Variants in FLACC1 observed in about 807,000 individuals in gnomAD.
FLACC1 encodes the protein flagellum associated containing coiled-coil domains 1, also known as flagellum-associated coiled-coil domain-containing protein 1.
A neutral mutation model predicts 62.8 loss-of-function variants in FLACC1; 66 were observed. The ratio of observed to expected loss-of-function variants is 1.05; its 90% confidence interval spans 0.86 to 1.29. FLACC1 has a LOEUF of 1.29. Ranked by LOEUF, FLACC1 falls within the 50% of genes most tolerant of loss-of-function variation. The pLI is 0.00. For synonymous variants in FLACC1, 156 were observed against 161.0 expected (o/e 0.97, Z 0.24); for missense variants, 452 against 489.1 (o/e 0.92, Z 0.71).
intron 11 of FLACC1, among the ~76,000 whole-genome samples, chr2:201,303,497 A>G (rs1390230574): frequency 1.3e-5 from 2 of 152,230 alleles, no homozygotes; most frequent in African/African-American, 4.8e-5. Flanking sequence ...ATTCTACCAG[A>G]GGTACAAGGA....
intron 9 of FLACC1, among the ~76,000 whole-genome samples, chr2:201,319,333 T>C (rs933286066): frequency 6.6e-6 from 1 of 152,040 alleles, no homozygotes; most frequent in Admixed American, 6.6e-5. Context: ...ACTGGGCCCC[T>C]ACCTTTCACC....
At chr2:201,290,022 A>G (rs921074562) in intron 12 of FLACC1, among the ~76,000 whole-genome samples, 2 of 152,216 alleles carry the variant, frequency 1.3e-5, no homozygotes, top group Admixed American at 6.5e-5. Context: ...TCATTCACTA[A>G]GCAAGTCTTT....
chr2:201,304,515 T>C (rs1177969500), intron 11 of FLACC1, among the ~76,000 whole-genome samples: 1 of 152,132 alleles, frequency 6.6e-6, no homozygotes, highest in African/African-American at 2.4e-5. Context: ...CCCAAGGTAA[T>C]TTACAGATTC....
At chr2:201,306,643 C>T (rs996649574) in intron 11 of FLACC1, among the ~76,000 whole-genome samples, 1 of 152,038 alleles carries the variant, frequency 6.6e-6, no homozygotes, top group Non-Finnish European at 1.5e-5. Context: ...AGAGAGGACA[C>T]AAAAATCTGT....
chr2:201,291,738 A>G (rs989715634), intron 12 of FLACC1, among the ~76,000 whole-genome samples: 5 of 152,234 alleles, frequency 3.3e-5, no homozygotes, highest in African/African-American at 1.2e-4. Flanking sequence ...GAGCTAAAGG[A>G]GAAAGTTCGA....
chr2:201,289,862 A>G lies in FLACC1; in HGVS notation c.943-77T>C, dbSNP rs758951468. On this transcript the variant is annotated intron_variant, in intron 12 of 14. Coordinates refer to ENST00000392257, the MANE Select transcript of FLACC1 (RefSeq NM_001127391.3). ...GTCTCTTCTCCAGGGCACCTGGACT[A>G]TGATGAAAGGGAGCAACCTGAGCTA... The G allele has an allele frequency of 1.9e-6, 3 of 1,609,766 alleles. No homozygotes were observed. In the Admixed American group the frequency reaches 5.0e-5, roughly 27 times the overall value.
chr2:201,344,188 G>A lies in FLACC1; in HGVS notation c.444C>T (p.His148=). The A allele has an allele frequency of 6.2e-7, 1 of 1,612,952 alleles. No individual in the cohort carries two copies. Among genetic ancestry groups the A allele is most frequent in the Non-Finnish European group, 8.5e-7 (1 of 1,179,204 alleles). ...TAIIEQMNRD[H]QSAQKLLSSE... is the part of the protein sequence containing the mutation. ...CACTCACCAATTTCTGGGCAGACTG[G>A]TGGTCTCTGTTCATTTGTTCAATTA... is the stretch of plus-strand genomic sequence containing the variant. Residue 148 remains histidine (H), a synonymous_variant, in exon 6 of 15, where the codon CAC becomes CAT. Transcript: ENST00000392257.
chr2:201,299,124 C>G (rs1949925017), intron 12 of FLACC1, 114 bp downstream of exon 12: 3 of 1,019,948 alleles, frequency 2.9e-6, no homozygotes, highest in Non-Finnish European at 1.5e-6. Flanking sequence ...TTAGGTCTTC[C>G]ATTTCTTATT....
intron 7 of FLACC1, among the ~76,000 whole-genome samples, chr2:201,333,813 A>C (rs1407658831): frequency 6.6e-6 from 1 of 152,168 alleles, no homozygotes; most frequent in African/African-American, 2.4e-5. Context: ...ATAGTTGGAC[A>C]TTTGGGTTGG....
chr2:201,330,603 C>A, intron 8 of FLACC1, 81 bp from the exon 9 acceptor site: 1 of 1,528,240 alleles, frequency 6.5e-7, no homozygotes, highest in South Asian at 1.2e-5. Flanking sequence ...TTCTTCTGCA[C>A]ACCTTCCCCA....
chr2:201,302,787 A>G (rs1261737413), intron 11 of FLACC1, among the ~76,000 whole-genome samples: 1 of 152,144 alleles, frequency 6.6e-6, no homozygotes, highest in African/African-American at 2.4e-5. Context: ...CACTCAAAAC[A>G]GCACAACTAC....
At position 201,326,720 on chromosome 2, in the gene FLACC1, C is replaced by T. The variant is rs190175115; in HGVS notation, c.675+3750G>A. Among the ~76,000 whole-genome samples, 192 of 152,180 alleles carry T rather than the reference C, an allele frequency of 1.3e-3. 1 individual carries two copies. Among genetic ancestry groups the T allele is most frequent in the Non-Finnish European group, 2.4e-3 (162 of 67,956 alleles). On this transcript the variant is annotated intron_variant, in intron 9 of 14. Transcript: ENST00000392257. The surrounding 1 kb of genome is among the most constrained non-coding windows in gnomAD (Gnocchi z 4.1). ...TATGCTCATGGATTGGAAGAATCAACGTTGTGAAAATGACCATACTGCCCA... is the reference window on the plus strand; with the variant it reads ...TATGCTCATGGATTGGAAGAATCAATGTTGTGAAAATGACCATACTGCCCA...
intron 14 of FLACC1, among the ~76,000 whole-genome samples, chr2:201,289,139 G>A (rs1190402468): frequency 7.2e-6 from 1 of 138,554 alleles, no homozygotes; most frequent in African/African-American, 2.4e-5. Flanking sequence ...CAGACTCCCA[G>A]GGGAGATGGA....
chr2:201,349,936 C>T (rs1214000521), intron 3 of FLACC1, among the ~76,000 whole-genome samples: 1 of 152,180 alleles, frequency 6.6e-6, no homozygotes, highest in Non-Finnish European at 1.5e-5. Flanking sequence ...ATGCAGAGGA[C>T]CCCAAAATCT....
chr2:201,359,099 G>T (rs377700428), upstream of FLACC1, among the ~76,000 whole-genome samples: 4 of 152,348 alleles, frequency 2.6e-5, no homozygotes, highest in East Asian at 7.7e-4. Context: ...AGGAGCAGCA[G>T]TGGGGATGGA....
intron 9 of FLACC1, among the ~76,000 whole-genome samples, chr2:201,312,159 T>A (rs774183106): frequency 6.6e-6 from 1 of 152,202 alleles, no homozygotes; most frequent in Non-Finnish European, 1.5e-5. Context: ...ACTGATAACA[T>A]AATTGCATAC....
chr2:201,305,023 G>C (rs937098764), intron 11 of FLACC1, among the ~76,000 whole-genome samples: 1 of 152,220 alleles, frequency 6.6e-6, no homozygotes, highest in African/African-American at 2.4e-5. Context: ...ATAGGCATGG[G>C]CAAGGACTTC....
At chr2:201,348,930 ACT>A (rs1460123824) in intron 3 of FLACC1, among the ~76,000 whole-genome samples, 1 of 152,020 alleles carries the variant, frequency 6.6e-6, no homozygotes, top group African/African-American at 2.4e-5. Context: ...TCCTTCTCTG[ACT>A]CTGACACTGT....
chr2:201,298,118 A>G (rs975458384), intron 12 of FLACC1, among the ~76,000 whole-genome samples: 2 of 152,194 alleles, frequency 1.3e-5, no homozygotes, highest in African/African-American at 2.4e-5. Context: ...CCCAGGGCCA[A>G]CACAAGGCTG....
Sources: gnomAD v4.1 joint callset for allele counts (sites outside exome capture counted in the v4.1 genomes callset) on GRCh38, gnomAD v4.1.1 for gene constraint, Gnocchi (gnomAD v3.1) non-coding constraint, MANE v1.5 for transcripts, NCBI Gene and HGNC (gene_info 2026-07-23, HGNC 2026-07-21) for gene names.